The following PRR16 variants were observed in gnomAD, a reference collection of about 807,000 sequenced individuals.
The protein encoded by PRR16 is proline rich 16, also known as protein Largen.
PRR16 carries 6 observed loss-of-function variants against 18.2 expected under a neutral mutation model. The ratio of observed to expected loss-of-function variants is 0.33; its 90% CI spans 0.18 to 0.65. PRR16 has a LOEUF of 0.65. PRR16 is among the 30% of genes least tolerant of loss of function. The pLI, the probability that PRR16 is intolerant of heterozygous loss-of-function variation, is 0.74. For missense variants in PRR16, 412 were observed against 376.6 expected (o/e 1.09, Z -0.78); for synonymous variants, 151 against 147.8 (o/e 1.02, Z -0.16).
the PRR16 span, among the ~76,000 whole-genome samples, chr5:120,734,139 A>T: frequency 6.6e-6 from 1 of 152,178 alleles, no homozygotes; most frequent in Non-Finnish European, 1.5e-5. Flanking sequence ...ACATGTGTTC[A>T]TTCCTCTCTT....
At chr5:120,570,750 T>C (rs1331595433) in intron 1 of PRR16, among the ~76,000 whole-genome samples, 1 of 152,098 alleles carries the variant, frequency 6.6e-6, no homozygotes, top group African/African-American at 2.4e-5. Flanking sequence ...AATGTATGGA[T>C]AAATCTTAAT....
chr5:120,776,677 A>G, the PRR16 span, among the ~76,000 whole-genome samples: 1 of 150,802 alleles, frequency 6.6e-6, no homozygotes. Context: ...TTCAAAACAG[A>G]GAGATAACAG....
chr5:120,744,032 A>G, the PRR16 span, among the ~76,000 whole-genome samples: 13 of 151,910 alleles, frequency 8.6e-5, no homozygotes, highest in Non-Finnish European at 1.5e-4. Flanking sequence ...TTTATCTTCA[A>G]GAGACTGTTA....
At chr5:120,682,880 C>T (rs10519647) in intron 1 of PRR16, among the ~76,000 whole-genome samples, 16,413 of 152,148 alleles carry the variant, frequency 0.11, 1,153 homozygotes, top group Non-Finnish European at 0.14. Flanking sequence ...AAATAACCCT[C>T]GGAGCATTTA....
chr5:120,537,435 C>T (rs1751755498), intron 1 of PRR16, among the ~76,000 whole-genome samples: 1 of 152,122 alleles, frequency 6.6e-6, no homozygotes, highest in Non-Finnish European at 1.5e-5. Flanking sequence ...TACTACAGTA[C>T]ACATGTTGCA....
rs762546980 is a variant in PRR16 at position 120,584,859 on chromosome 5, A to G, written c.160-101095A>G. Among the ~76,000 whole-genome samples the G allele has an allele frequency of 2.6e-5, 4 of 152,244 alleles. No individual in the cohort carries two copies. In the South Asian group the frequency reaches 6.2e-4, roughly 24 times the overall value. ...ATATGTTATCTTATTTTCCTTCCCA[A>G]TGATCCCATAAGACAGGTGGTGCTA... On this transcript the variant is annotated intron_variant, in intron 1 of 1. Transcript: ENST00000407149.
At chr5:120,499,149 G>T (rs569081532) in intron 1 of PRR16, among the ~76,000 whole-genome samples, 3 of 146,302 alleles carry the variant, frequency 2.1e-5, no homozygotes, top group Admixed American at 6.9e-5. Context: ...CGCTCTTGTT[G>T]CCCAGGCTGG....
chr5:120,752,409 A>G, the PRR16 span, among the ~76,000 whole-genome samples: 12 of 151,958 alleles, frequency 7.9e-5, no homozygotes, highest in Non-Finnish European at 8.8e-5. Context: ...TAACCTGTTT[A>G]TTGTTTTTTT....
intron 1 of PRR16, among the ~76,000 whole-genome samples, chr5:120,594,577 G>A (rs371057148): frequency 1.3e-5 from 2 of 152,096 alleles, no homozygotes; most frequent in East Asian, 3.9e-4. Flanking sequence ...AACTACTGAA[G>A]AAATTCTCCA....
intron 1 of PRR16, among the ~76,000 whole-genome samples, chr5:120,588,731 T>A (rs1171547463): frequency 6.6e-6 from 1 of 152,142 alleles, no homozygotes; most frequent in Non-Finnish European, 1.5e-5. Context: ...TTATATGCCT[T>A]GGTTTTAGCT....
intron 1 of PRR16, among the ~76,000 whole-genome samples, chr5:120,530,215 T>G (rs1751498390): frequency 6.9e-6 from 1 of 144,148 alleles, no homozygotes; most frequent in East Asian, 2.0e-4. Context: ...ATATTATATA[T>G]TAGCAAAGAA....
At chr5:120,707,426 CTAGA>C in the PRR16 span, among the ~76,000 whole-genome samples, 2 of 152,184 alleles carry the variant, frequency 1.3e-5, no homozygotes, top group African/African-American at 2.4e-5. Flanking sequence ...CAAAGCTCTT[CTAGA>C]TACTTTTGGA....
At chr5:120,690,156 T>C (rs1483764696), downstream of PRR16, among the ~76,000 whole-genome samples, 2 of 152,188 alleles carry the variant, frequency 1.3e-5, no homozygotes, top group African/African-American at 4.8e-5. Flanking sequence ...ACAGTTGATA[T>C]GGCTTTCTGT....
At chr5:120,623,820 A>T (rs1383334848) in intron 1 of PRR16, among the ~76,000 whole-genome samples, 1 of 152,088 alleles carries the variant, frequency 6.6e-6, no homozygotes, top group Non-Finnish European at 1.5e-5. Context: ...ACTGAGTTAA[A>T]TACGTTTAGT....
intron 1 of PRR16, among the ~76,000 whole-genome samples, chr5:120,631,600 G>A (rs1755057054): frequency 6.6e-6 from 1 of 152,038 alleles, no homozygotes; most frequent in South Asian, 2.1e-4. Flanking sequence ...ACTCAGTAGA[G>A]GCAGCCATAA....
the PRR16 span, among the ~76,000 whole-genome samples, chr5:120,710,380 C>G: frequency 6.6e-6 from 1 of 152,054 alleles, no homozygotes; most frequent in Non-Finnish European, 1.5e-5. Flanking sequence ...CTCATAGGCT[C>G]TAGGTACTCT....
downstream of PRR16, among the ~76,000 whole-genome samples, chr5:120,691,940 C>T (rs1757214455): frequency 6.6e-6 from 1 of 152,146 alleles, no homozygotes; most frequent in African/African-American, 2.4e-5. Context: ...TCCTTCATAA[C>T]GACCCAATAT....
intron 1 of PRR16, among the ~76,000 whole-genome samples, chr5:120,473,323 A>G (rs1356601550): frequency 6.6e-6 from 1 of 152,140 alleles, no homozygotes; most frequent in African/African-American, 2.4e-5. Flanking sequence ...TTTGTTTTAA[A>G]GAATAGGAGA....
At chr5:120,471,162 CA>C (rs779587826) in intron 1 of PRR16, among the ~76,000 whole-genome samples, 3 of 152,018 alleles carry the variant, frequency 2.0e-5, no homozygotes, top group Non-Finnish European at 2.9e-5. Context: ...AGTATTGAGA[CA>C]AAATTAATAG....
Sources: gnomAD v4.1 joint callset for allele counts (sites outside exome capture counted in the v4.1 genomes callset) on GRCh38, gnomAD v4.1.1 for gene constraint, MANE v1.5 for transcripts, NCBI Gene and HGNC (gene_info 2026-07-23, HGNC 2026-07-21) for gene names.